ABCA13: variants seen among roughly 807,000 people sequenced by gnomAD.
The protein encoded by ABCA13 is ATP-binding cassette sub-family A member 13.
A neutral mutation model predicts 478.7 loss-of-function variants in ABCA13; 476 were observed. The ratio of observed to expected loss-of-function variants is 0.99; its 90% confidence interval spans 0.92 to 1.07. The LOEUF (loss-of-function observed/expected upper bound fraction) is 1.07. Among genes scored for constraint, ABCA13 ranks in the 50% least tolerant of loss-of-function variants. The pLI, the probability that ABCA13 is intolerant of heterozygous loss-of-function variation, is 0.00. For missense variants in ABCA13, 6,060 were observed against 5,910.6 expected (o/e 1.03, Z -0.83); for synonymous variants, 2,252 against 2,158.9 (o/e 1.04, Z -1.20).
At position 48,594,705 on chromosome 7, in the gene ABCA13, T is replaced by G; in HGVS notation, c.14641-5T>G. The G allele has an allele frequency of 6.2e-7, 1 of 1,613,452 alleles. No homozygotes were observed. ...GCTGATTACTCTGTGTTGCCTTTCC[T>G]TCAGGATGAGCCCAGCTCTGGGATG... On this transcript the variant is annotated splice_region_variant and splice_polypyrimidine_tract_variant and intron_variant, in intron 57 of 61. Coordinates refer to ENST00000435803, the MANE Select transcript of ABCA13 (RefSeq NM_152701.5).
intron 31 of ABCA13, among the ~76,000 whole-genome samples, chr7:48,356,791 A>G (rs1363952875): frequency 2.0e-5 from 3 of 151,992 alleles, no homozygotes; most frequent in Admixed American, 6.5e-5. Flanking sequence ...CAGTTATCAT[A>G]GAATAATTTT....
rs992511043 is a variant in ABCA13, at chr7:48,278,960, A to G, written c.7766A>G (p.Asp2589Gly). Residue 2589 changes from aspartate (D) to glycine (G), a missense_variant, in exon 18 of 62, where the codon GAT becomes GGT. Coordinates refer to ENST00000435803, the MANE Select transcript of ABCA13 (RefSeq NM_152701.5). ...IDHFTFEKIN[D>G]LLVPFLDLAF... Reference sequence around the variant, plus strand: ...CATTTCACATTTGAAAAGATAAATGATTTGTTGGTGCCATTTCTTGACTTG... The same window carrying G: ...CATTTCACATTTGAAAAGATAAATGGTTTGTTGGTGCCATTTCTTGACTTG... The G allele has an allele frequency of 1.3e-5, 21 of 1,613,344 alleles. No individual in the cohort carries two copies. The Admixed American group carries it at 3.0e-4, about 23-fold the overall frequency.
At position 48,619,543 on chromosome 7, in the gene ABCA13, G is replaced by A. The variant is rs952807882; in HGVS notation, c.14837+4166G>A. ...TGAAACCCAGCAAGGGCATGCAGAG[G>A]TAGGTCTGATGCAGTTTATGCCTGC... On this transcript the variant is annotated intron_variant, in intron 59 of 61. Coordinates refer to ENST00000435803, the MANE Select transcript of ABCA13 (RefSeq NM_152701.5). Among the ~76,000 whole-genome samples, 10 of 152,322 alleles carry A rather than the reference G, an allele frequency of 6.6e-5. No homozygotes were observed. The East Asian group carries it at 1.9e-3, about 29-fold the overall frequency.
In ABCA13 at chr7:48,275,554, A is replaced by C. The variant is rs769598794; in HGVS notation, c.5888A>C (p.Asn1963Thr). ...LQIIEKLKNV[N>T]FTKVTSGENI... is the part of the protein sequence containing the mutation. Reference sequence around the variant, plus strand: ...ATCATAGAAAAACTTAAAAATGTCAACTTTACAAAAGTTACATCAGGTGAA... The same window carrying C: ...ATCATAGAAAAACTTAAAAATGTCACCTTTACAAAAGTTACATCAGGTGAA... Residue 1963 changes from asparagine to threonine, a missense_variant, in exon 17 of 62, where the codon AAC (asparagine) becomes ACC (threonine). Physicochemically the swap from Asn to Thr is moderately conservative, Grantham distance 65. Around this residue, in one of 3 missense-constraint regions of ABCA13, gnomAD observed 4,423 missense variants for 4,309.1 expected, o/e 1.03. Coordinates refer to ENST00000435803, the MANE Select transcript of ABCA13 (RefSeq NM_152701.5). 8 of 1,613,788 alleles carry C rather than the reference A, an allele frequency of 5.0e-6. No individual in the cohort carries two copies. In the East Asian group the frequency reaches 1.8e-4, roughly 36 times the overall value.
chr7:48,190,646 T>C (rs922753559), intron 1 of ABCA13, among the ~76,000 whole-genome samples: 4 of 152,120 alleles, frequency 2.6e-5, no homozygotes, highest in African/African-American at 9.6e-5. Flanking sequence ...TGGCCCCAAA[T>C]AGAAAAACAT....
At chr7:48,264,118 ATGT>A (rs2128729104) in intron 15 of ABCA13, among the ~76,000 whole-genome samples, 1 of 152,022 alleles carries the variant, frequency 6.6e-6, no homozygotes, top group Admixed American at 6.6e-5. Flanking sequence ...AGATTCATTC[ATGT>A]TGTAGTGTGT....
intron 57 of ABCA13, among the ~76,000 whole-genome samples, chr7:48,592,420 C>A (rs902053039): frequency 2.0e-5 from 3 of 151,712 alleles, no homozygotes; most frequent in African/African-American, 7.3e-5. Flanking sequence ...TAGTATCATA[C>A]CATGGTGGTC....
chr7:48,598,109 C>G (rs1007481349), intron 58 of ABCA13, among the ~76,000 whole-genome samples: 26 of 152,194 alleles, frequency 1.7e-4, no homozygotes, highest in Admixed American at 6.5e-5. Flanking sequence ...ATCTCTCCCT[C>G]CTGCCTAACC....
chr7:48,498,961 A>G lies in ABCA13; in HGVS notation c.13292-7375A>G, dbSNP rs561134818. On this transcript the variant is annotated intron_variant, in intron 48 of 61. Coordinates refer to ENST00000435803, the MANE Select transcript of ABCA13 (RefSeq NM_152701.5). ...CCATTAAACTGAAGATATGTAATAT[A>G]AAACTTAATAATAATGCATACATGT... Among the ~76,000 whole-genome samples the G allele has an allele frequency of 2.0e-5, 3 of 152,356 alleles. No individual in the cohort carries two copies. The South Asian group carries it at 6.2e-4, about 32-fold the overall frequency.
In ABCA13 at chr7:48,278,724, T is replaced by C; in HGVS notation, c.7530T>C (p.Ala2510=). The C allele has an allele frequency of 6.2e-7, 1 of 1,613,996 alleles. No individual in the cohort carries two copies. Among genetic ancestry groups the C allele is most frequent in the African/African-American group, 1.3e-5 (1 of 75,054 alleles). Residue 2510 remains alanine (A), a synonymous_variant, in exon 18 of 62, where the codon GCT becomes GCC. Transcript: ENST00000435803. ...TGGTCATGCTGTTGAATGACAGTGCTGACCTGAGAGATCTTGCCACATCAA... is the reference window on the plus strand; with the variant it reads ...TGGTCATGCTGTTGAATGACAGTGCCGACCTGAGAGATCTTGCCACATCAA... The part of the protein sequence containing the change: ...GTLVMLLNDS[A]DLRDLATSMD...
intron 1 of ABCA13, among the ~76,000 whole-genome samples, chr7:48,173,841 C>G (rs1583946879): frequency 6.6e-6 from 1 of 152,322 alleles, no homozygotes; most frequent in South Asian, 2.1e-4. Context: ...GTGCTTGCAA[C>G]AGTACCTGGT....
At chr7:48,526,057 T>C (rs540952360) in intron 54 of ABCA13, among the ~76,000 whole-genome samples, 1 of 152,266 alleles carries the variant, frequency 6.6e-6, no homozygotes, top group Admixed American at 6.5e-5. Flanking sequence ...GTCTGTCTTA[T>C]GACCTACAGT....
At chr7:48,511,332 G>C (rs1203632679) in intron 51 of ABCA13, 133 bp downstream of exon 51, 3 of 737,520 alleles carry the variant, frequency 4.1e-6, no homozygotes, top group Admixed American at 2.9e-5. Flanking sequence ...TTCTGCAAGG[G>C]ACACGGAGCA....
chr7:48,412,979 T>C (rs1166975947), intron 41 of ABCA13, among the ~76,000 whole-genome samples: 1 of 151,348 alleles, frequency 6.6e-6, no homozygotes, highest in Admixed American at 6.6e-5. Flanking sequence ...GCCTGGCTAA[T>C]TTTTTGTATT....
chr7:48,286,545 C>A (rs1177009206), intron 19 of ABCA13, among the ~76,000 whole-genome samples: 1 of 151,988 alleles, frequency 6.6e-6, no homozygotes, highest in East Asian at 1.9e-4. Flanking sequence ...CGCTCTGTCG[C>A]CCAGGCTGGA....
chr7:48,587,360 G>A, intron 57 of ABCA13, 72 bp downstream of exon 57: 1 of 1,441,780 alleles, frequency 6.9e-7, no homozygotes, highest in South Asian at 1.5e-5. Context: ...GATTTTAAGG[G>A]TTTTTCTGGG....
chr7:48,428,042 T>C (rs192767578), intron 42 of ABCA13, among the ~76,000 whole-genome samples, 171 bp downstream of exon 42: 2 of 149,400 alleles, frequency 1.3e-5, no homozygotes, highest in African/African-American at 4.9e-5. Flanking sequence ...AAACGTTGAG[T>C]TTTATCCTGG....
chr7:48,641,942 T>C (rs542078039), intron 59 of ABCA13, among the ~76,000 whole-genome samples: 1 of 152,318 alleles, frequency 6.6e-6, no homozygotes, highest in East Asian at 1.9e-4. Flanking sequence ...ACAGAATATA[T>C]ACCTCTTGTA....
chr7:48,274,476 C>G lies in ABCA13; in HGVS notation c.4810C>G (p.Leu1604Val), dbSNP rs1461314073. The G allele has an allele frequency of 1.2e-6, 2 of 1,613,730 alleles. No homozygotes were observed. Among genetic ancestry groups the G allele is most frequent in the Non-Finnish European group, 1.7e-6 (2 of 1,179,854 alleles). ...TTCCATTTATCACTTAGCTAGTTAC[C>G]TTGCCTTCAGCTTATCTCATGACCT... ...GNSIYHLASY[L>V]AFSLSHDLQN... The change falls in exon 17 of 62, where the codon CTT (leucine) becomes GTT (valine). Residue 1604 changes from leucine (L) to valine (V), a missense_variant. Leu to Val is a conservative substitution (Grantham distance 32). This residue lies in a region of ABCA13 where 4,423 missense variants were observed against 4,309.1 expected (regional missense o/e 1.03). Transcript: ENST00000435803.
Sources: allele counts gnomAD v4.1 joint callset (sites outside exome capture counted in the v4.1 genomes callset), GRCh38; gene constraint gnomAD v4.1.1; regional missense constraint gnomAD v4.1.1; transcripts MANE v1.5; gene names NCBI Gene and HGNC (gene_info 2026-07-23, HGNC 2026-07-21).